Variants in TEKT4 observed in about 807,000 individuals in gnomAD.
TEKT4 encodes tektin 4, also known as tektin-4.
Under a neutral mutation model 46.0 loss-of-function variants are expected in TEKT4, and 46 were observed. That is an observed-to-expected ratio of 1.00 (90% CI 0.79 to 1.28). TEKT4 has a LOEUF of 1.28. Ranked by LOEUF, TEKT4 falls within the 50% of genes most tolerant of loss-of-function variation. TEKT4 has a pLI of 0.00. For missense variants in TEKT4, 790 were observed against 622.9 expected (o/e 1.27, Z -2.85); for synonymous variants, 325 against 265.8 (o/e 1.22, Z -2.17).
At position 94,875,606 on chromosome 2, in the gene TEKT4, G is replaced by T. The variant is rs1272652739; in HGVS notation, c.955G>T (p.Asp319Tyr). 1.2e-6 allele frequency: 2 copies of T among 1,614,158 alleles called. No homozygotes were observed. Among genetic ancestry groups the T allele is most frequent in the Non-Finnish European group, 1.7e-6 (2 of 1,180,002 alleles). Reference protein sequence around the residue: ...HLHKTLREITDQEHNVAALKQ... With the variant: ...HLHKTLREITYQEHNVAALKQ... Reference sequence around the variant, plus strand: ...TCTGCAGACACTGCGGGAAATCACAGATCAGGAACACAACGTGGCGGCACT... The same window carrying T: ...TCTGCAGACACTGCGGGAAATCACATATCAGGAACACAACGTGGCGGCACT... Residue 319 changes from aspartate to tyrosine, a missense_variant, in exon 5 of 6, where the codon GAT becomes TAT. Coordinates refer to ENST00000295201, the MANE Select transcript of TEKT4 (RefSeq NM_144705.4).
intron 1 of TEKT4, chr2:94,873,200 C>A: frequency 8.0e-7 from 1 of 1,257,790 alleles, no homozygotes; most frequent in Non-Finnish European, 1.0e-6. Context: ...AGGCCAAGGG[C>A]AGGCCAACGT....
chr2:94,875,038 A>G, intron 4 of TEKT4, 40 bp downstream of exon 4: 1 of 1,537,202 alleles, frequency 6.5e-7, no homozygotes, highest in South Asian at 1.2e-5. Flanking sequence ...CCCTCTCATC[A>G]CCTGGCCTGG....
intron 3 of TEKT4, among the ~76,000 whole-genome samples, chr2:94,874,406 G>A (rs751907281): frequency 1.1e-3 from 165 of 152,116 alleles, no homozygotes; most frequent in Non-Finnish European, 1.6e-4. Context: ...GCCCACTAGA[G>A]GGCGGCAAAC....
intron 1 of TEKT4, 60 bp downstream of exon 1, chr2:94,872,137 C>T (rs74442840): frequency 1.7e-5 from 25 of 1,468,186 alleles, no homozygotes; most frequent in African/African-American, 2.8e-5. Context: ...CCCCCCCCCC[C>T]GCAGTTCATG....
At chr2:94,872,681 T>C in intron 1 of TEKT4, 2 of 549,632 alleles carry the variant, frequency 3.6e-6, no homozygotes, top group Non-Finnish European at 5.8e-6. Flanking sequence ...TGAGAACCAC[T>C]ACAGGCCTGT....
At chr2:94,872,899 A>C (rs535628366) in intron 1 of TEKT4, 1 of 1,289,398 alleles carries the variant, frequency 7.8e-7, no homozygotes, top group Admixed American at 2.3e-5. Flanking sequence ...GGCACCTGCC[A>C]ACTGATGGAG....
intron 1 of TEKT4, 103 bp downstream of exon 1, chr2:94,872,180 G>C: frequency 7.1e-7 from 1 of 1,412,568 alleles, no homozygotes; most frequent in East Asian, 2.5e-5. Context: ...CAAGCACGCG[G>C]GAGCCCAGCC....
chr2:94,872,288 C>T, intron 1 of TEKT4: 1 of 625,200 alleles, frequency 1.6e-6, no homozygotes, highest in Non-Finnish European at 2.8e-6. Flanking sequence ...AGCTGTTTCT[C>T]CTCTCCTCCT....
In TEKT4 at chr2:94,871,770, G is replaced by A. The variant is rs200621317; in HGVS notation, c.191G>A (p.Arg64Gln). The change falls in exon 1 of 6, where the codon CGG (arginine) becomes CAG (glutamine). Residue 64 changes from arginine (R) to glutamine (Q), a missense_variant. By Grantham distance (43) the Arg-to-Gln change is conservative. Transcript: ENST00000295201. ...QAFADRDQSE[R>Q]QRHESQQLAT... ...TTCGCCGACCGCGACCAGTCGGAGC[G>A]GCAGCGGCACGAGAGCCAGCAGCTG... is the stretch of plus-strand genomic sequence containing the variant. The A allele has an allele frequency of 1.7e-5, 28 of 1,612,248 alleles. No homozygotes were observed. Among genetic ancestry groups the A allele is most frequent in the Non-Finnish European group, 2.3e-5 (27 of 1,179,792 alleles).
Position 94,873,961 on chromosome 2 carries a change from C to T in TEKT4, c.570-4C>T. 1.9e-6 allele frequency: 3 copies of T among 1,613,730 alleles called. No individual in the cohort carries two copies. The highest frequency in any genetic ancestry group is 2.5e-6 in the Non-Finnish European group (3 of 1,179,960). ...CATCAAGGCCCTGCCCCACCCCGCC[C>T]CAGACTGAACCGGGAGCACAAGGAG... On this transcript the variant is annotated splice_region_variant and splice_polypyrimidine_tract_variant and intron_variant, in intron 2 of 5. Transcript: ENST00000295201.
chr2:94,872,542 T>C, intron 1 of TEKT4: 1 of 314,754 alleles, frequency 3.2e-6, no homozygotes, highest in Non-Finnish European at 6.3e-6. Context: ...CTCCTCCATG[T>C]CCCCTATAAC....
At chr2:94,872,126 G>GGCCCCC (rs1680600670) in intron 1 of TEKT4, 49 bp downstream of exon 1, 1 of 1,101,748 alleles carries the variant, frequency 9.1e-7, no homozygotes, top group Non-Finnish European at 1.2e-6. Context: ...GAGAGGAGGA[G>GGCCCCC]CCCCCCCCCC....
Position 94,871,830 on chromosome 2 carries a change from A to G in TEKT4, c.251A>G (p.Gln84Arg). ...ACCCAGGCGCTGGCGCAGCGCACGC[A>G]GCAAGACTCCACGCGCACAGTGGGC... The part of the protein sequence containing the change: ...TETQALAQRT[Q>R]QDSTRTVGER... Residue 84 changes from glutamine to arginine, a missense_variant, in exon 1 of 6, where the codon CAG becomes CGG. By Grantham distance (43) the Gln-to-Arg change is conservative. Transcript: ENST00000295201. 6.2e-7 allele frequency: 1 copy of G among 1,608,472 alleles called. No homozygotes were observed. Among genetic ancestry groups the G allele is most frequent in the Non-Finnish European group, 8.5e-7 (1 of 1,178,240 alleles).
chr2:94,874,762 C>A lies in TEKT4; in HGVS notation c.714-14C>A, dbSNP rs1232524438. The A allele has an allele frequency of 1.3e-6, 2 of 1,547,626 alleles. No individual in the cohort carries two copies. Among genetic ancestry groups the A allele is most frequent in the Non-Finnish European group, 1.7e-6 (2 of 1,149,288 alleles). ...GCCTCCCCGACCCTCTCCTGGCTGT[C>A]CCCCGCCCCGCAGCGCCTCCACCCC... On this transcript the variant is annotated splice_polypyrimidine_tract_variant and intron_variant, in intron 3 of 5. Coordinates refer to ENST00000295201, the MANE Select transcript of TEKT4 (RefSeq NM_144705.4).
rs374581609 is a variant in TEKT4 at position 94,871,960 on chromosome 2, G to A, written c.381G>A (p.Glu127=). 3 of 1,601,538 alleles carry A rather than the reference G, an allele frequency of 1.9e-6. No homozygotes were observed. Among genetic ancestry groups the A allele is most frequent in the Non-Finnish European group, 2.5e-6 (3 of 1,177,472 alleles). The part of the protein sequence containing the change: ...NLLLAQKQRL[E]RALDATEVPF... ...TCCTGGCCCAGAAGCAACGGCTGGA[G>A]CGCGCCCTGGACGCCACAGAGGTGC... Residue 127 remains glutamate, a synonymous_variant, in exon 1 of 6, where the codon GAG becomes GAA. Coordinates refer to ENST00000295201, the MANE Select transcript of TEKT4 (RefSeq NM_144705.4).
At chr2:94,874,667 G>A (rs767880553) in intron 3 of TEKT4, 109 bp from the exon 4 acceptor site, 20 of 1,026,716 alleles carry the variant, frequency 1.9e-5, no homozygotes, top group Non-Finnish European at 2.6e-5. Context: ...CGGAGTCCAT[G>A]CACGTCCTCC....
chr2:94,875,839 C>A, intron 5 of TEKT4, 97 bp downstream of exon 5: 2 of 1,293,066 alleles, frequency 1.5e-6, no homozygotes, highest in Non-Finnish European at 2.1e-6. Context: ...CACACACATC[C>A]CCCGCAGGTG....
In TEKT4 at chr2:94,875,093, C is replaced by T. The variant is rs1472804776; in HGVS notation, c.936+95C>T. ...TCTGTCCCATTTATCCCGAGGGACCCCAGAAGCAAGTGTCTCCTCTCCGTA... is the reference window on the plus strand; with the variant it reads ...TCTGTCCCATTTATCCCGAGGGACCTCAGAAGCAAGTGTCTCCTCTCCGTA... On this transcript the variant is annotated intron_variant, in intron 4 of 5. Transcript: ENST00000295201. 6 of 1,310,624 alleles carry T rather than the reference C, an allele frequency of 4.6e-6. No individual in the cohort carries two copies. The Admixed American group carries it at 1.5e-4, about 33-fold the overall frequency. The allele number at this position is 1,310,624 out of a possible 1,614,324, so 81.2% of individuals were successfully genotyped here. A position where few individuals can be genotyped will look rare whatever the true frequency, so the allele number is the denominator to read the frequency against.
At position 94,871,818 on chromosome 2, in the gene TEKT4, C is replaced by T. The variant is rs537008603; in HGVS notation, c.239C>T (p.Ala80Val). The change falls in exon 1 of 6, where the codon GCG becomes GTG. Residue 80 changes from alanine to valine, a missense_variant. By Grantham distance (64) the Ala-to-Val change is moderately conservative. Transcript: ENST00000295201. ...CTGGCCACAGAGACCCAGGCGCTGG[C>T]GCAGCGCACGCAGCAAGACTCCACG... ...QQLATETQAL[A>V]QRTQQDSTRT... The T allele has an allele frequency of 9.8e-5, 158 of 1,608,586 alleles. No individual in the cohort carries two copies. The South Asian group carries it at 1.5e-3, about 15-fold the overall frequency.
Sources: gnomAD v4.1 joint callset for allele counts (sites outside exome capture counted in the v4.1 genomes callset) on GRCh38, gnomAD v4.1.1 for gene constraint, MANE v1.5 for transcripts, NCBI Gene and HGNC (gene_info 2026-07-23, HGNC 2026-07-21) for gene names.